ENTPD5: variants seen among roughly 807,000 people sequenced by gnomAD.
The protein encoded by ENTPD5 is ectonucleoside triphosphate diphosphohydrolase 5 (inactive).
ENTPD5 carries 49 observed loss-of-function variants against 60.2 expected under a neutral mutation model. The observed-to-expected ratio is 0.81, with a 90% CI of 0.65 to 1.03. The LOEUF (loss-of-function observed/expected upper bound fraction) is 1.03, where lower values mean the gene tolerates loss of function less well. ENTPD5 is among the 50% of genes least tolerant of loss of function. The pLI is 0.00. For missense variants in ENTPD5, 480 were observed against 507.6 expected, an observed-to-expected ratio of 0.95 and a Z score of 0.52; for synonymous variants, 187 against 185.4, an observed-to-expected ratio of 1.01 and a Z score of -0.07.
chr14:74,003,992 C>T (rs1424841265), intron 3 of ENTPD5, among the ~76,000 whole-genome samples: 1 of 151,368 alleles, frequency 6.6e-6, no homozygotes, highest in Non-Finnish European at 1.5e-5. Flanking sequence ...GCAGTCCCAG[C>T]TACTTGGGAG....
At chr14:73,958,036 A>G (rs1194019909), downstream of ENTPD5, 4 of 861,400 alleles carry the variant, frequency 4.6e-6, no homozygotes, top group Non-Finnish European at 2.0e-6. Context: ...TTAATCTTAA[A>G]TGACAAGACA....
Position 73,966,695 on chromosome 14 carries a change from G to A in ENTPD5, c.*233C>T, listed in dbSNP as rs952830584. The A allele has an allele frequency of 2.1e-4, 91 of 426,656 alleles. No homozygotes were observed. The highest frequency in any genetic ancestry group is 3.5e-4 in the Non-Finnish European group (85 of 240,046). The allele number at this position is 426,656 out of a possible 1,614,324, so 26.4% of individuals were successfully genotyped here. ...CCTGTCCCTGGGCTCTCACTCCAAGGTTAAGTTCCAAAACTATACTTTTTG... is the reference window on the plus strand; with the variant it reads ...CCTGTCCCTGGGCTCTCACTCCAAGATTAAGTTCCAAAACTATACTTTTTG... On this transcript the variant is annotated 3_prime_UTR_variant, in exon 16 of 16. Transcript: ENST00000334696.
At position 73,964,921 on chromosome 14, in the gene ENTPD5, A is replaced by C. The variant is rs1446060732; in HGVS notation, c.*2007T>G. The C allele has an allele frequency of 2.0e-5, 3 of 152,226 alleles. No homozygotes were observed. The highest frequency in any genetic ancestry group is 1.5e-5 in the Non-Finnish European group (1 of 68,034). The allele number at this position is 152,226 out of a possible 1,614,324, so 9.4% of individuals were successfully genotyped here. On this transcript the variant is annotated 3_prime_UTR_variant, in exon 16 of 16. Transcript: ENST00000334696. ...AGCTGTTTGAACATGGCTTAGCAGA[A>C]GCTGAATGACAACCTGTTAGAAATT...
At chr14:73,959,285 C>T, downstream of ENTPD5, 1 of 1,614,214 alleles carries the variant, frequency 6.2e-7, no homozygotes, top group Non-Finnish European at 8.5e-7. Flanking sequence ...TTCACTTTCT[C>T]TCAGCCTTTT....
At chr14:73,987,777 G>C (rs190092351) in intron 4 of ENTPD5, 109 bp downstream of exon 4, 787 of 897,760 alleles carry the variant, frequency 8.8e-4, no homozygotes, top group Non-Finnish European at 1.3e-3. Flanking sequence ...ACATCCACTA[G>C]GTGTGAGATT....
rs1173153243 is a variant in ENTPD5, at chr14:73,977,025, T to A, written c.552A>T (p.Thr184=). The change falls in exon 8 of 16, where the codon ACA becomes ACT. Residue 184 remains threonine (T), a splice_region_variant and synonymous_variant. Coordinates refer to ENST00000334696, the MANE Select transcript of ENTPD5 (RefSeq NM_001249.5). Reference sequence around the variant, plus strand: ...AAGATAAACTTGAGGATGTATTACCTGTCAGAAAATTCACAGTAACCCAAG... The same window carrying A: ...AAGATAAACTTGAGGATGTATTACCAGTCAGAAAATTCACAGTAACCCAAG... The part of the protein sequence containing the change: ...ILAWVTVNFL[T]GQLHGHRQET... 3.7e-6 allele frequency: 6 copies of A among 1,612,268 alleles called. No individual in the cohort carries two copies. Among genetic ancestry groups the A allele is most frequent in the Non-Finnish European group, 5.1e-6 (6 of 1,178,504 alleles).
At chr14:73,957,737 C>A (rs938741945), downstream of ENTPD5, among the ~76,000 whole-genome samples, 1 of 152,020 alleles carries the variant, frequency 6.6e-6, no homozygotes, top group Admixed American at 6.6e-5. Flanking sequence ...GGCCATAGAG[C>A]GTATTGTTTT....
At chr14:73,995,751 A>C (rs76833914) in intron 3 of ENTPD5, among the ~76,000 whole-genome samples, 2,603 of 152,182 alleles carry the variant, frequency 0.017, 30 homozygotes, top group Non-Finnish European at 0.028. Flanking sequence ...TATGCTACTC[A>C]AAATAGTGCA....
intron 3 of ENTPD5, among the ~76,000 whole-genome samples, chr14:73,991,968 C>T (rs1361412253): frequency 1.3e-5 from 2 of 150,980 alleles, no homozygotes; most frequent in Admixed American, 6.6e-5. Flanking sequence ...CATTGCACTC[C>T]AGCGTGGGCA....
rs561513886 is a variant in ENTPD5, at chr14:73,983,605, C to T, written c.298-444G>A. 7.8e-5 allele frequency among the ~76,000 whole-genome samples: 10 copies of T among 128,252 alleles called. No individual in the cohort carries two copies. In the East Asian group the frequency reaches 2.2e-3, roughly 28 times the overall value. 84.1% of individuals were successfully genotyped at this position (128,252 alleles called of 152,430 possible). ...TGCCACTGCACTACAGCCTGCGCAA[C>T]AGAGTGACACTCCATCTCAAAAAAA... On this transcript the variant is annotated intron_variant, in intron 5 of 15. Coordinates refer to ENST00000334696, the MANE Select transcript of ENTPD5 (RefSeq NM_001249.5).
At chr14:73,982,278 T>C (rs1055194328) in intron 6 of ENTPD5, among the ~76,000 whole-genome samples, 1 of 152,044 alleles carries the variant, frequency 6.6e-6, no homozygotes, top group African/African-American at 2.4e-5. Flanking sequence ...TTTCACCATG[T>C]TAGCCAGGCT....
chr14:73,955,578 T>TC (rs774677837), downstream of ENTPD5: 3 of 1,483,668 alleles, frequency 2.0e-6, no homozygotes, highest in African/African-American at 4.1e-5. Flanking sequence ...GTCCACTTTC[T>TC]CCAAGTGTTC....
downstream of ENTPD5, chr14:73,961,267 G>A (rs147273831): frequency 8.4e-5 from 135 of 1,612,672 alleles, no homozygotes; most frequent in African/African-American, 1.0e-3. Flanking sequence ...GTCTCGGCTC[G>A]CCAGCTGCCC....
rs1363946502 is a variant in ENTPD5, at chr14:73,966,871, C to G, written c.*57G>C. The G allele has an allele frequency of 4.4e-5, 59 of 1,332,786 alleles. No individual in the cohort carries two copies. The highest frequency in any genetic ancestry group is 6.3e-5 in the Non-Finnish European group (58 of 927,250). 82.6% of individuals were successfully genotyped at this position (1,332,786 alleles called of 1,614,324 possible). ...CAGACTAGTTCAGAAACTAAGTGCT[C>G]TCTCCTCCCCTTAAAAAGGTGTTGG... On this transcript the variant is annotated 3_prime_UTR_variant, in exon 16 of 16. Transcript: ENST00000334696.
intron 2 of ENTPD5, among the ~76,000 whole-genome samples, chr14:74,012,866 C>T (rs2058887946): frequency 6.6e-6 from 1 of 152,182 alleles, no homozygotes; most frequent in Admixed American, 6.6e-5. Flanking sequence ...CCAAACGAAA[C>T]ACATTCTATG....
chr14:73,967,799 C>CAAAAAA (rs33926682), intron 15 of ENTPD5, among the ~76,000 whole-genome samples: 1 of 97,842 alleles, frequency 1.0e-5, no homozygotes, highest in African/African-American at 4.1e-5. Flanking sequence ...GACCCTGTCT[C>CAAAAAA]AAAAAAAAAA....
chr14:73,971,929 A>G lies in ENTPD5; in HGVS notation c.1028-21T>C, dbSNP rs1170078500. On this transcript the variant is annotated intron_variant, in intron 13 of 15. Transcript: ENST00000334696. ...ATAATCTGAAATAAAACAGAAGATTATCTGATATCAAAACGCCTTCAAGGA... is the reference window on the plus strand; with the variant it reads ...ATAATCTGAAATAAAACAGAAGATTGTCTGATATCAAAACGCCTTCAAGGA... 3 of 1,455,546 alleles carry G rather than the reference A, an allele frequency of 2.1e-6. No homozygotes were observed. The African/African-American group carries it at 4.2e-5, about 20-fold the overall frequency. 90.2% of individuals were successfully genotyped at this position (1,455,546 alleles called of 1,614,324 possible).
In ENTPD5 at chr14:73,986,740, A is replaced by C. The variant is rs1029956879; in HGVS notation, c.297+74T>G. On this transcript the variant is annotated intron_variant, in intron 5 of 15. Coordinates refer to ENST00000334696, the MANE Select transcript of ENTPD5 (RefSeq NM_001249.5). ...TCAATCTCATTAGTGAATAGCATGA[A>C]ATATTTAACAGCAGTGGTGTGGTCA... 9 of 1,019,422 alleles carry C rather than the reference A, an allele frequency of 8.8e-6. No homozygotes were observed. The African/African-American group carries it at 1.4e-4, about 16-fold the overall frequency. 63.1% of individuals were successfully genotyped at this position (1,019,422 alleles called of 1,614,324 possible).
chr14:73,977,125 G>GTT (rs141812276), intron 7 of ENTPD5, 66 bp from the exon 8 acceptor site: 640 of 1,155,010 alleles, frequency 5.5e-4, no homozygotes, highest in Non-Finnish European at 6.2e-4. Flanking sequence ...CCCCAACCTT[G>GTT]TTTTTTTTTT....
Sources: gnomAD v4.1 joint callset for allele counts (sites outside exome capture counted in the v4.1 genomes callset) on GRCh38, gnomAD v4.1.1 for gene constraint, MANE v1.5 for transcripts, NCBI Gene and HGNC (gene_info 2026-07-23, HGNC 2026-07-21) for gene names.